Variants in ABCA13 observed in about 807,000 individuals in gnomAD.
ABCA13 encodes the protein ATP-binding cassette sub-family A member 13.
Under a neutral mutation model 478.7 loss-of-function variants are expected in ABCA13, and 476 were observed. That is an observed-to-expected ratio of 0.99 (90% CI 0.92 to 1.07). The LOEUF (loss-of-function observed/expected upper bound fraction) is 1.07. ABCA13 is among the 50% of genes least tolerant of loss of function. The pLI is 0.00. For synonymous variants in ABCA13, 2,252 were observed against 2,158.9 expected, an observed-to-expected ratio of 1.04 and a Z score of -1.20; for missense variants, 6,060 against 5,910.6, an observed-to-expected ratio of 1.03 and a Z score of -0.83.
chr7:48,531,278 T>A (rs1170327110), intron 55 of ABCA13, among the ~76,000 whole-genome samples: 1 of 152,188 alleles, frequency 6.6e-6, no homozygotes, highest in Admixed American at 6.5e-5. Context: ...TTTTGTTTGC[T>A]TTGTCAAAGA....
chr7:48,386,203 G>C (rs971170024), intron 35 of ABCA13, among the ~76,000 whole-genome samples: 1 of 152,100 alleles, frequency 6.6e-6, no homozygotes, highest in African/African-American at 2.4e-5. Flanking sequence ...TCTCTACAAG[G>C]AGAACTACAA....
intron 42 of ABCA13, among the ~76,000 whole-genome samples, chr7:48,437,337 C>G (rs1297589147): frequency 6.6e-6 from 1 of 151,910 alleles, no homozygotes; most frequent in Non-Finnish European, 1.5e-5. Context: ...GAATAGCCAC[C>G]CTTCTGCCTT....
chr7:48,625,260 T>A (rs2131610835), intron 59 of ABCA13, among the ~76,000 whole-genome samples: 1 of 152,304 alleles, frequency 6.6e-6, no homozygotes, highest in Admixed American at 6.5e-5. Context: ...TCATAACATC[T>A]CGGATTAAGA....
intron 54 of ABCA13, among the ~76,000 whole-genome samples, chr7:48,526,680 A>G (rs992266335): frequency 4.6e-5 from 7 of 152,164 alleles, no homozygotes; most frequent in African/African-American, 1.2e-4. Context: ...ACTGTAAGCA[A>G]TTGTAACACA....
rs761060548 is a variant in ABCA13, at chr7:48,246,069, A to G, written c.1659+39A>G. 5.7e-6 allele frequency: 9 copies of G among 1,569,502 alleles called. No individual in the cohort carries two copies. In the African/African-American group the frequency reaches 1.2e-4, roughly 21 times the overall value. On this transcript the variant is annotated intron_variant, in intron 13 of 61. Coordinates refer to ENST00000435803, the MANE Select transcript of ABCA13 (RefSeq NM_152701.5). ...CATCTTAGCTCTTCTAAGGGCACAA[A>G]TTTAAGATTAAATTCACCAAAGATG...
chr7:48,354,773 A>T (rs1015461914), intron 31 of ABCA13, among the ~76,000 whole-genome samples: 3 of 151,998 alleles, frequency 2.0e-5, no homozygotes, highest in Non-Finnish European at 2.9e-5. Flanking sequence ...CTTGTTTCGA[A>T]GTCTCCCTTT....
At chr7:48,397,498 A>G (rs941871381) in intron 38 of ABCA13, among the ~76,000 whole-genome samples, 116 of 152,230 alleles carry the variant, frequency 7.6e-4, no homozygotes, top group Non-Finnish European at 1.3e-3. Context: ...AGAATATGGT[A>G]GAGGCACATA....
At chr7:48,426,676 G>T (rs1056938091) in intron 41 of ABCA13, among the ~76,000 whole-genome samples, 1 of 152,216 alleles carries the variant, frequency 6.6e-6, no homozygotes, top group African/African-American at 2.4e-5. Context: ...AGAGGAAGGG[G>T]TGATGGAAGC....
intron 38 of ABCA13, among the ~76,000 whole-genome samples, chr7:48,402,506 C>T (rs918083733): frequency 1.3e-5 from 2 of 152,160 alleles, no homozygotes; most frequent in African/African-American, 4.8e-5. Context: ...TAAATTATTA[C>T]TATAAATTTA....
intron 46 of ABCA13, among the ~76,000 whole-genome samples, chr7:48,481,437 A>T (rs932215638): frequency 6.6e-6 from 1 of 152,222 alleles, no homozygotes; most frequent in Non-Finnish European, 1.5e-5. Context: ...GATGCCATGG[A>T]CCTTAATAAG....
intron 2 of ABCA13, among the ~76,000 whole-genome samples, chr7:48,194,792 G>A (rs1235280081): frequency 0.04 from 2 of 50 alleles, no homozygotes; most frequent in Non-Finnish European, 0.077. Context: ...ATGGAAAAAT[G>A]TAAAACCCAT....
At chr7:48,178,394 G>A (rs1312990080) in intron 1 of ABCA13, among the ~76,000 whole-genome samples, 2 of 152,170 alleles carry the variant, frequency 1.3e-5, no homozygotes, top group Non-Finnish European at 2.9e-5. Context: ...GAGAATAGTG[G>A]CCGGGCATGG....
rs1036062841 is a variant in ABCA13 at position 48,481,172 on chromosome 7, G to T, written c.13094+18G>T. On this transcript the variant is annotated intron_variant, in intron 46 of 61. Coordinates refer to ENST00000435803, the MANE Select transcript of ABCA13 (RefSeq NM_152701.5). Reference sequence around the variant, plus strand: ...AAACCAAGGTGTGTTCAATACTCTTGTTGGGTCTTTACTTGTTTGGATTAC... The same window carrying T: ...AAACCAAGGTGTGTTCAATACTCTTTTTGGGTCTTTACTTGTTTGGATTAC... 2 of 1,519,864 alleles carry T rather than the reference G, an allele frequency of 1.3e-6. No individual in the cohort carries two copies. Among genetic ancestry groups the T allele is most frequent in the Non-Finnish European group, 1.8e-6 (2 of 1,113,404 alleles). 94.1% of individuals were successfully genotyped at this position (1,519,864 alleles called of 1,614,324 possible). A position where few individuals can be genotyped will look rare whatever the true frequency, so the allele number is the denominator to read the frequency against.
In ABCA13 at chr7:48,342,146, G is replaced by A. The variant is rs1030502057; in HGVS notation, c.10204+3691G>A. Among the ~76,000 whole-genome samples the A allele has an allele frequency of 4.6e-5, 7 of 151,080 alleles. 1 individual carries two copies. The South Asian group carries it at 1.5e-3, about 32-fold the overall frequency. On this transcript the variant is annotated intron_variant, in intron 29 of 61. Transcript: ENST00000435803. ...TATTTGGTATTATTTATTTATCTTTGGGTTAATGACTTCCAGCTTTACTTC... is the reference window on the plus strand; with the variant it reads ...TATTTGGTATTATTTATTTATCTTTAGGTTAATGACTTCCAGCTTTACTTC...
chr7:48,623,142 A>T (rs973242068), intron 59 of ABCA13, among the ~76,000 whole-genome samples: 2 of 152,202 alleles, frequency 1.3e-5, no homozygotes, highest in African/African-American at 4.8e-5. Context: ...TGCATCTTCA[A>T]TGGTGTCTGC....
chr7:48,469,919 CAA>C (rs5884046), intron 44 of ABCA13, among the ~76,000 whole-genome samples: 10 of 134,330 alleles, frequency 7.4e-5, no homozygotes, highest in African/African-American at 8.3e-5. Flanking sequence ...GACTCCATCT[CAA>C]AAAAAAAAAA....
chr7:48,278,866 CT>C lies in ABCA13; in HGVS notation c.7673del (p.Leu2558ArgfsTer13). The C allele has an allele frequency of 6.2e-7, 1 of 1,613,456 alleles. No individual in the cohort carries two copies. The highest frequency in any genetic ancestry group is 8.5e-7 in the Non-Finnish European group (1 of 1,179,856). ...GGACAGTGTGAAATTCTTTGACACT[CT>C]GTATTCCATCATGCAACAAAGTGTT... ...TKDSVKFFDTLYSIMQQSVQN... is the reference protein window; with the variant it reads ...TKDSVKFFDTXYSIMQQSVQN... On this transcript the variant is annotated frameshift_variant, in exon 18 of 62. Transcript: ENST00000435803. LOFTEE classifies it high-confidence loss of function.
chr7:48,482,525 C>T (rs1828878989), intron 46 of ABCA13, among the ~76,000 whole-genome samples: 1 of 151,738 alleles, frequency 6.6e-6, no homozygotes, highest in Middle Eastern at 3.4e-3. Context: ...TTACAGGTGC[C>T]TGCCACCATG....
At chr7:48,501,774 T>G (rs545536705) in intron 48 of ABCA13, among the ~76,000 whole-genome samples, 1 of 152,316 alleles carries the variant, frequency 6.6e-6, no homozygotes, top group Non-Finnish European at 1.5e-5. Context: ...GCTGTCATAG[T>G]TGAGGTTTTC....
Sources: gnomAD v4.1 joint callset for allele counts (sites outside exome capture counted in the v4.1 genomes callset) on GRCh38, gnomAD v4.1.1 for gene constraint, MANE v1.5 for transcripts, NCBI Gene and HGNC (gene_info 2026-07-23, HGNC 2026-07-21) for gene names.